Variants in ARHGEF7 observed in about 807,000 individuals in gnomAD.
The protein encoded by ARHGEF7 is Rho guanine nucleotide exchange factor 7, also known as PAK-interacting exchange factor beta.
ARHGEF7 carries 33 observed loss-of-function variants against 109.8 expected under a neutral mutation model. That is an observed-to-expected ratio of 0.30 (90% CI 0.23 to 0.40). ARHGEF7 has a LOEUF of 0.40. ARHGEF7 is among the 10% of genes least tolerant of loss of function. The pLI is 1.00. For synonymous variants in ARHGEF7, 458 were observed against 424.6 expected (o/e 1.08, Z -0.97); for missense variants, 938 against 1,098.5 (o/e 0.85, Z 2.07).
At chr13:111,221,662 G>C (rs1372334624) in intron 5 of ARHGEF7, among the ~76,000 whole-genome samples, 1 of 137,134 alleles carries the variant, frequency 7.3e-6, no homozygotes, top group Non-Finnish European at 1.5e-5. Flanking sequence ...TATATAACAT[G>C]TATATATAAT....
At chr13:111,148,988 G>A (rs2075754573) in intron 1 of ARHGEF7, among the ~76,000 whole-genome samples, 1 of 151,938 alleles carries the variant, frequency 6.6e-6, no homozygotes, top group South Asian at 2.1e-4. Context: ...GTTTTTCCGG[G>A]TTTGCATAAA....
chr13:111,168,771 T>G (rs1322719615), intron 2 of ARHGEF7, among the ~76,000 whole-genome samples: 1 of 152,126 alleles, frequency 6.6e-6, no homozygotes, highest in Non-Finnish European at 1.5e-5. Flanking sequence ...AATGGCATAG[T>G]TTTGTGGTTT....
chr13:111,196,682 G>T (rs2080542688), intron 2 of ARHGEF7, among the ~76,000 whole-genome samples: 1 of 152,016 alleles, frequency 6.6e-6, no homozygotes, highest in Admixed American at 6.6e-5. Context: ...GGGCAGGGGA[G>T]ATTAGAGGAG....
At chr13:111,208,042 C>T (rs142869926) in intron 3 of ARHGEF7, among the ~76,000 whole-genome samples, 7 of 152,216 alleles carry the variant, frequency 4.6e-5, no homozygotes, top group East Asian at 1.9e-4. Context: ...AGGCAATACC[C>T]GTACGTTTTC....
At chr13:111,170,281 A>G (rs1210774998) in intron 2 of ARHGEF7, among the ~76,000 whole-genome samples, 1 of 152,212 alleles carries the variant, frequency 6.6e-6, no homozygotes, top group East Asian at 1.9e-4. Flanking sequence ...TATTTTTAAT[A>G]GAGACGAGGT....
Position 111,273,922 on chromosome 13 carries a change from G to A in ARHGEF7, c.1182G>A (p.Thr394=), listed in dbSNP as rs371483720. The A allele has an allele frequency of 2.1e-5, 34 of 1,614,120 alleles. No individual in the cohort carries two copies. The highest frequency in any genetic ancestry group is 6.7e-5 in the Admixed American group (4 of 60,014). Residue 394 remains threonine (T), a synonymous_variant, in exon 10 of 22, where the codon ACG becomes ACA. Transcript: ENST00000646102. The surrounding 1 kb of genome is among the most constrained non-coding windows in gnomAD (Gnocchi z 4.5). ...TCATGCGCCTGGATAAATACCCTAC[G>A]CTGCTCAAAGAGCTCGAGAGACACA... The part of the protein sequence containing the change: ...KPFMRLDKYP[T]LLKELERHME...
intron 2 of ARHGEF7, among the ~76,000 whole-genome samples, chr13:111,178,319 T>C (rs1489813251): frequency 1.3e-5 from 2 of 152,228 alleles, no homozygotes; most frequent in Admixed American, 6.5e-5. Context: ...TTTCAGACCA[T>C]ATTTAGATGT....
At chr13:111,187,730 C>T (rs958719604) in intron 2 of ARHGEF7, among the ~76,000 whole-genome samples, 3 of 152,210 alleles carry the variant, frequency 2.0e-5, no homozygotes, top group South Asian at 2.1e-4. Context: ...GGCAAAGTCA[C>T]TAATATCGGG....
intron 15 of ARHGEF7, among the ~76,000 whole-genome samples, chr13:111,282,379 G>A (rs575400752): frequency 1.3e-5 from 2 of 152,182 alleles, no homozygotes; most frequent in Non-Finnish European, 2.9e-5. Flanking sequence ...TCATTTAACT[G>A]TCATTGTGAT....
intron 18 of ARHGEF7, among the ~76,000 whole-genome samples, chr13:111,290,198 ATG>A (rs1567102464): frequency 3.3e-5 from 5 of 152,238 alleles, no homozygotes; most frequent in Admixed American, 2.6e-4. Flanking sequence ...GTAGTCTTAG[ATG>A]AACAGACCAG....
At chr13:111,201,361 A>G (rs142002113) in intron 2 of ARHGEF7, among the ~76,000 whole-genome samples, 2 of 152,316 alleles carry the variant, frequency 1.3e-5, no homozygotes, top group African/African-American at 4.8e-5. Context: ...TCAGCTTCCT[A>G]AGAAGCAATT....
At chr13:111,199,454 T>C (rs1467196059) in intron 2 of ARHGEF7, among the ~76,000 whole-genome samples, 1 of 152,216 alleles carries the variant, frequency 6.6e-6, no homozygotes, top group African/African-American at 2.4e-5. Context: ...GAGGTTTTCA[T>C]ATTTGGGAGC....
intron 4 of ARHGEF7, 76 bp downstream of exon 4, chr13:111,210,078 C>A (rs150307792): frequency 1.3e-6 from 2 of 1,568,846 alleles, no homozygotes; most frequent in East Asian, 2.3e-5. Context: ...TGAGAAGATA[C>A]GTATGCCTCC....
intron 2 of ARHGEF7, among the ~76,000 whole-genome samples, chr13:111,195,876 G>T (rs749935421): frequency 6.6e-6 from 1 of 152,180 alleles, no homozygotes; most frequent in Non-Finnish European, 1.5e-5. Context: ...TAAGGCTGCT[G>T]CCTTTCTCTG....
chr13:111,297,709 T>C lies in ARHGEF7; in HGVS notation c.2312-3039T>C, dbSNP rs550764438. Among the ~76,000 whole-genome samples the C allele has an allele frequency of 1.4e-4, 22 of 152,350 alleles. 1 individual carries two copies. The South Asian group carries it at 4.6e-3, about 32-fold the overall frequency. ...GCGTCCTGGTTCTGGCTGGAGGCAG[T>C]GGACACGTGGCTCATGGCCTCACAA... On this transcript the variant is annotated intron_variant, in intron 19 of 21. Transcript: ENST00000646102.
chr13:111,159,412 T>C (rs889097641), intron 2 of ARHGEF7, among the ~76,000 whole-genome samples: 2 of 152,218 alleles, frequency 1.3e-5, no homozygotes, highest in African/African-American at 4.8e-5. Context: ...GTAGTGGGAT[T>C]GCTGGATCAT....
At chr13:111,240,121 G>A (rs1266496208) in intron 6 of ARHGEF7, among the ~76,000 whole-genome samples, 2 of 152,172 alleles carry the variant, frequency 1.3e-5, no homozygotes, top group Non-Finnish European at 2.9e-5. Context: ...GTGGTGGAGC[G>A]CAGCTGGGAG....
In ARHGEF7 at chr13:111,217,882, T is replaced by G. The variant is rs758014704; in HGVS notation, c.670+2T>G. On this transcript the variant is annotated splice_donor_variant, in intron 5 of 21. Transcript: ENST00000646102. LOFTEE classifies it high-confidence loss of function. ...ACGTGCGCGAGGTCAAGGCCAGCGG[T>G]AAGTGGCCGAGCCTGGGCTGTGTGT... 6.2e-7 allele frequency: 1 copy of G among 1,609,050 alleles called. No individual in the cohort carries two copies. Among genetic ancestry groups the G allele is most frequent in the East Asian group, 2.2e-5 (1 of 44,714 alleles).
chr13:111,267,802 T>C lies in ARHGEF7; in HGVS notation c.1073+132T>C. 2.6e-6 allele frequency: 3 copies of C among 1,151,864 alleles called. No homozygotes were observed. The South Asian group carries it at 4.7e-5, about 18-fold the overall frequency. 71.4% of individuals were successfully genotyped at this position (1,151,864 alleles called of 1,614,324 possible). ...ATGAATTTTAATTACCCCTCAAAAT[T>C]AGTGCTTGAGAAGTACTGGTAAGAA... is the stretch of plus-strand genomic sequence containing the variant. On this transcript the variant is annotated intron_variant, in intron 9 of 21. Coordinates refer to ENST00000646102, the MANE Select transcript of ARHGEF7 (RefSeq NM_001354046.2).
Sources: gnomAD v4.1 joint callset for allele counts (sites outside exome capture counted in the v4.1 genomes callset) on GRCh38, gnomAD v4.1.1 for gene constraint, Gnocchi (gnomAD v3.1) non-coding constraint, MANE v1.5 for transcripts, NCBI Gene and HGNC (gene_info 2026-07-23, HGNC 2026-07-21) for gene names.